Variants in TCAIM observed in about 807,000 individuals in gnomAD.
TCAIM encodes the protein T cell activation inhibitor, mitochondrial.
In TCAIM, 36 loss-of-function variants were observed where a neutral mutation model predicts 58.6. That is an observed-to-expected ratio of 0.61 (90% CI 0.47 to 0.81). The LOEUF (loss-of-function observed/expected upper bound fraction) is 0.81, where lower values mean the gene tolerates loss of function less well. Ranked by LOEUF, TCAIM falls within the 30% of genes least tolerant of loss-of-function variation. TCAIM has a pLI of 0.00. For synonymous variants in TCAIM, 172 were observed against 193.6 expected, an observed-to-expected ratio of 0.89 and a Z score of 0.93; for missense variants, 466 against 579.6, an observed-to-expected ratio of 0.80 and a Z score of 2.01.
upstream of TCAIM, chr3:44,338,713 C>A (rs1344992780): frequency 6.6e-6 from 1 of 152,374 alleles, no homozygotes; most frequent in Non-Finnish European, 1.5e-5. Context: ...CCAGCTGACG[C>A]CCCAGTGCGC....
Position 44,396,477 on chromosome 3 carries a change from A to G in TCAIM, c.773A>G (p.Glu258Gly), listed in dbSNP as rs1184885329. 2 of 1,613,106 alleles carry G rather than the reference A, an allele frequency of 1.2e-6. No individual in the cohort carries two copies. Among genetic ancestry groups the G allele is most frequent in the South Asian group, 1.1e-5 (1 of 90,962 alleles). ...AGCCGCTTAGCACAGCAGAATTTGG[A>G]AACACTTAAAAAAGCAAAAGGTAAA... ...SLSRLAQQNL[E>G]TLKKAKGCTI... Residue 258 changes from glutamate to glycine, a missense_variant, in exon 7 of 11, where the codon GAA becomes GGA. By Grantham distance (98) the Glu-to-Gly change is moderately conservative (BLOSUM62 -2). Coordinates refer to ENST00000342649, the MANE Select transcript of TCAIM (RefSeq NM_173826.4).
chr3:44,370,323 G>T (rs545598448), intron 5 of TCAIM, among the ~76,000 whole-genome samples: 1 of 152,150 alleles, frequency 6.6e-6, no homozygotes, highest in East Asian at 1.9e-4. Flanking sequence ...TAGCGTGGTG[G>T]TGGGCACCTG....
At chr3:44,399,389 G>C (rs1432192979) in intron 8 of TCAIM, among the ~76,000 whole-genome samples, 1 of 152,176 alleles carries the variant, frequency 6.6e-6, no homozygotes, top group Non-Finnish European at 1.5e-5. Flanking sequence ...GTTAAAAGTA[G>C]ATTATAAATA....
At position 44,408,780 on chromosome 3, in the gene TCAIM, C is replaced by T. The variant is rs1288809240; in HGVS notation, c.*1098C>T. On this transcript the variant is annotated 3_prime_UTR_variant, in exon 11 of 11. Transcript: ENST00000342649. Reference sequence around the variant, plus strand: ...ATGTTTGAAACCCTGTCATTAGCCCCGGCCTGGTTAAAGCCCCTCAGAGTC... The same window carrying T: ...ATGTTTGAAACCCTGTCATTAGCCCTGGCCTGGTTAAAGCCCCTCAGAGTC... 2 of 152,186 alleles carry T rather than the reference C, an allele frequency of 1.3e-5. No homozygotes were observed. Among genetic ancestry groups the T allele is most frequent in the South Asian group, 4.1e-4 (2 of 4,828 alleles). The allele number at this position is 152,186 out of a possible 1,614,324, so 9.4% of individuals were successfully genotyped here.
chr3:44,348,090 G>C (rs993953272), intron 1 of TCAIM, among the ~76,000 whole-genome samples: 12 of 152,192 alleles, frequency 7.9e-5, no homozygotes, highest in African/African-American at 2.7e-4. Context: ...AGTTTTAAGA[G>C]GTTTAGAAGC....
At chr3:44,397,277 T>G (rs1701950163) in intron 8 of TCAIM, among the ~76,000 whole-genome samples, 1 of 152,200 alleles carries the variant, frequency 6.6e-6, no homozygotes, top group Non-Finnish European at 1.5e-5. Context: ...TGTGAGCATA[T>G]GGCCCTTTGT....
intron 4 of TCAIM, among the ~76,000 whole-genome samples, chr3:44,365,553 C>A (rs1701361045): frequency 6.6e-6 from 1 of 152,252 alleles, no homozygotes; most frequent in East Asian, 1.9e-4. Flanking sequence ...GTCTCCAACT[C>A]CTGGCCTCAA....
intron 1 of TCAIM, among the ~76,000 whole-genome samples, chr3:44,353,160 A>G (rs1026976306): frequency 6.6e-6 from 1 of 152,018 alleles, no homozygotes; most frequent in African/African-American, 2.4e-5. Context: ...ACCTCAGGTG[A>G]TCCGCCTGCC....
intron 5 of TCAIM, among the ~76,000 whole-genome samples, chr3:44,387,459 C>T (rs139206469): frequency 1.0e-3 from 158 of 152,370 alleles, no homozygotes; most frequent in African/African-American, 3.6e-3. Flanking sequence ...TGGGACCCCA[C>T]GGTTCCTGGT....
At chr3:44,360,509 T>C (rs1414987595) in intron 3 of TCAIM, among the ~76,000 whole-genome samples, 1 of 151,858 alleles carries the variant, frequency 6.6e-6, no homozygotes, top group Non-Finnish European at 1.5e-5. Context: ...AAAAAAAAAA[T>C]CAAAACTAAA....
intron 1 of TCAIM, among the ~76,000 whole-genome samples, chr3:44,346,147 C>T (rs1248369730): frequency 1.3e-5 from 2 of 152,104 alleles, no homozygotes; most frequent in South Asian, 2.1e-4. Context: ...CTGAGCTTGG[C>T]GAGGTGTGTT....
rs76462047 is a variant in TCAIM, at chr3:44,403,682, AT to A, written c.1250+2351del. ...AAAATAAAAAAATTCAAATAGGTCA[AT>A]TTGTGAATGTTCCGTCCTACCAGTT... On this transcript the variant is annotated intron_variant, in intron 10 of 10. Transcript: ENST00000342649. 5.9e-5 allele frequency among the ~76,000 whole-genome samples: 9 copies of A among 152,282 alleles called. No individual in the cohort carries two copies. In the East Asian group the frequency reaches 1.7e-3, roughly 29 times the overall value.
chr3:44,367,427 T>A, intron 4 of TCAIM, 29 bp from the exon 5 acceptor site: 1 of 1,585,546 alleles, frequency 6.3e-7, no homozygotes, highest in Non-Finnish European at 8.6e-7. Context: ...TCATCTGTAT[T>A]AATTGTTTGG....
chr3:44,371,718 A>T (rs1406854535), intron 5 of TCAIM, among the ~76,000 whole-genome samples: 1 of 152,168 alleles, frequency 6.6e-6, no homozygotes, highest in Non-Finnish European at 1.5e-5. Flanking sequence ...CCTTTCCCTA[A>T]GCATGAGCAT....
rs1702124515 is a variant in TCAIM, at chr3:44,407,811, GACT to G, written c.*130_*132del. 2 of 1,064,164 alleles carry G rather than the reference GACT, an allele frequency of 1.9e-6. No homozygotes were observed. The highest frequency in any genetic ancestry group is 2.6e-6 in the Non-Finnish European group (2 of 781,534). The allele number at this position is 1,064,164 out of a possible 1,614,324, so 65.9% of individuals were successfully genotyped here. ...GTTTCTAACTGCTGCTTTAAAAGTA[GACT>G]TTTTTAAAAAAATTAATTTCTGCTA... On this transcript the variant is annotated 3_prime_UTR_variant, in exon 11 of 11. Coordinates refer to ENST00000342649, the MANE Select transcript of TCAIM (RefSeq NM_173826.4).
At chr3:44,364,465 C>T (rs1701340919) in intron 4 of TCAIM, among the ~76,000 whole-genome samples, 1 of 152,064 alleles carries the variant, frequency 6.6e-6, no homozygotes, top group African/African-American at 2.4e-5. Context: ...TTAGGCCATG[C>T]GTGGTGGCTC....
chr3:44,342,639 C>T (rs1700877025), intron 1 of TCAIM, among the ~76,000 whole-genome samples: 1 of 151,758 alleles, frequency 6.6e-6, no homozygotes. Flanking sequence ...ACCCACTAAA[C>T]ATCTGCTTCT....
intron 8 of TCAIM, among the ~76,000 whole-genome samples, chr3:44,399,649 T>C (rs747126763): frequency 3.9e-5 from 6 of 152,314 alleles, no homozygotes; most frequent in Non-Finnish European, 8.8e-5. Context: ...TATTTGCACA[T>C]GCTCTTTTTC....
At chr3:44,344,500 A>T (rs1700924351) in intron 1 of TCAIM, among the ~76,000 whole-genome samples, 1 of 152,170 alleles carries the variant, frequency 6.6e-6, no homozygotes, top group Non-Finnish European at 1.5e-5. Context: ...CAACATCAAG[A>T]TGTCTGCAGA....
Sources: gnomAD v4.1 joint callset for allele counts (sites outside exome capture counted in the v4.1 genomes callset) on GRCh38, gnomAD v4.1.1 for gene constraint, MANE v1.5 for transcripts, NCBI Gene and HGNC (gene_info 2026-07-23, HGNC 2026-07-21) for gene names.